Variants in TOGARAM1 observed in about 807,000 individuals in gnomAD.
TOGARAM1 encodes TOG array regulator of axonemal microtubules protein 1.
Under a neutral mutation model 166.6 loss-of-function variants are expected in TOGARAM1, and 100 were observed. That is an observed-to-expected ratio of 0.60 (90% CI 0.51 to 0.71). TOGARAM1 has a LOEUF of 0.71. Among genes scored for constraint, TOGARAM1 ranks in the 30% least tolerant of loss-of-function variants. TOGARAM1 has a pLI of 0.00. For synonymous variants in TOGARAM1, 758 were observed against 763.8 expected, an observed-to-expected ratio of 0.99 and a Z score of 0.13; for missense variants, 2,029 against 2,102.7, an observed-to-expected ratio of 0.96 and a Z score of 0.69.
chr14:45,030,906 A>G (rs1881119537), intron 10 of TOGARAM1, among the ~76,000 whole-genome samples: 1 of 152,210 alleles, frequency 6.6e-6, no homozygotes, highest in Non-Finnish European at 1.5e-5. Flanking sequence ...CTCAGCTGCA[A>G]AATAAAGATA....
intron 2 of TOGARAM1, 39 bp downstream of exon 2, chr14:44,995,941 C>T: frequency 6.5e-7 from 1 of 1,548,806 alleles, no homozygotes; most frequent in Non-Finnish European, 8.7e-7. Flanking sequence ...GTTGAACTAA[C>T]AGACTTCTCT....
chr14:45,025,964 G>A (rs1880816175), intron 8 of TOGARAM1, 92 bp downstream of exon 8: 1 of 622,692 alleles, frequency 1.6e-6, no homozygotes, highest in Non-Finnish European at 2.8e-6. Context: ...TGTGATTCAA[G>A]TGTTGAGTGG....
intron 1 of TOGARAM1, among the ~76,000 whole-genome samples, chr14:44,974,206 G>T (rs1353015975): frequency 6.6e-6 from 1 of 151,262 alleles, no homozygotes; most frequent in African/African-American, 2.4e-5. Context: ...TTTTTTTCAG[G>T]CTTTTTTCTT....
chr14:45,046,731 CTAT>C, intron 14 of TOGARAM1, 28 bp downstream of exon 14: 2 of 1,252,448 alleles, frequency 1.6e-6, no homozygotes, highest in Non-Finnish European at 1.0e-6. Context: ...TTTGCTAAAT[CTAT>C]TATTAATAAG....
At chr14:44,984,592 A>C (rs1886689963) in intron 1 of TOGARAM1, among the ~76,000 whole-genome samples, 1 of 150,514 alleles carries the variant, frequency 6.6e-6, no homozygotes. Context: ...AATATACGAG[A>C]CCCTGTCTCT....
At chr14:44,974,932 T>C (rs922016266) in intron 1 of TOGARAM1, among the ~76,000 whole-genome samples, 3 of 152,244 alleles carry the variant, frequency 2.0e-5, no homozygotes, top group African/African-American at 4.8e-5. Flanking sequence ...AATAGGTCTT[T>C]AGTAATGTAC....
intron 16 of TOGARAM1, 50 bp downstream of exon 16, chr14:45,054,599 T>A: frequency 7.7e-7 from 1 of 1,291,198 alleles, no homozygotes; most frequent in Non-Finnish European, 1.1e-6. Context: ...CTTGTGATAG[T>A]AGTCTCATTT....
At chr14:44,973,015 T>G (rs1408562649) in intron 1 of TOGARAM1, among the ~76,000 whole-genome samples, 1 of 149,960 alleles carries the variant, frequency 6.7e-6, no homozygotes, top group East Asian at 1.9e-4. Flanking sequence ...AACTTGGGTT[T>G]TGTTTTTTGA....
rs978394408 is a variant in TOGARAM1, at chr14:44,971,725, C to T, written c.2046+7258C>T. Among the ~76,000 whole-genome samples, 7 of 152,264 alleles carry T rather than the reference C, an allele frequency of 4.6e-5. 1 individual carries two copies. Among genetic ancestry groups the T allele is most frequent in the African/African-American group, 1.7e-4 (7 of 41,550 alleles). ...TAGGCACCGCTTTCACTGCATACCG[C>T]AAATCTTGATACATTGTATTTTCAT... On this transcript the variant is annotated intron_variant, in intron 1 of 19. Transcript: ENST00000361462.
chr14:45,055,074 C>T (rs556417141), intron 16 of TOGARAM1, among the ~76,000 whole-genome samples: 19 of 152,046 alleles, frequency 1.2e-4, no homozygotes, highest in Admixed American at 7.2e-4. Flanking sequence ...AAAAATTAGC[C>T]GGGCCTGGTG....
intron 4 of TOGARAM1, among the ~76,000 whole-genome samples, chr14:45,004,732 T>C (rs1459248938): frequency 6.6e-6 from 1 of 151,482 alleles, no homozygotes; most frequent in South Asian, 2.1e-4. Flanking sequence ...GATTACAGGC[T>C]TGAGCCACTG....
chr14:44,971,135 A>T (rs1373766771), intron 1 of TOGARAM1, among the ~76,000 whole-genome samples: 2 of 152,108 alleles, frequency 1.3e-5, no homozygotes, highest in East Asian at 3.9e-4. Flanking sequence ...GAGAATTGGT[A>T]TAATTTTTTC....
intron 16 of TOGARAM1, among the ~76,000 whole-genome samples, chr14:45,057,925 G>A (rs553424365): frequency 9.3e-4 from 141 of 152,276 alleles, no homozygotes; most frequent in Non-Finnish European, 1.7e-3. Context: ...CAGTTTTGGG[G>A]TCAAATGTTC....
chr14:45,044,990 A>G (rs1465852035), intron 13 of TOGARAM1, 120 bp downstream of exon 13: 1 of 646,180 alleles, frequency 1.5e-6, no homozygotes, highest in South Asian at 2.3e-5. Flanking sequence ...TTTATTAAAA[A>G]GTTCCTATGA....
In TOGARAM1 at chr14:45,009,002, T is replaced by C; in HGVS notation, c.2994T>C (p.Asp998=). The change falls in exon 6 of 20, where the codon GAT becomes GAC. Residue 998 remains aspartate, a synonymous_variant. Transcript: ENST00000361462. The part of the protein sequence containing the change: ...SGSTSDLESP[D]SAMKLDLTMD... ...GTACTTCAGATCTTGAAAGCCCTGA[T>C]TCTGCAATGAAGCTCGACTTGACGA... 6.2e-7 allele frequency: 1 copy of C among 1,614,152 alleles called. No individual in the cohort carries two copies. The highest frequency in any genetic ancestry group is 8.5e-7 in the Non-Finnish European group (1 of 1,180,006).
At chr14:44,994,319 A>G (rs981356166) in intron 1 of TOGARAM1, among the ~76,000 whole-genome samples, 5 of 151,992 alleles carry the variant, frequency 3.3e-5, no homozygotes, top group African/African-American at 1.2e-4. Flanking sequence ...GGGTTTCACC[A>G]TGTTAGCCAG....
intron 14 of TOGARAM1, among the ~76,000 whole-genome samples, chr14:45,049,997 C>G (rs1325260104): frequency 6.6e-6 from 1 of 151,998 alleles, no homozygotes; most frequent in Non-Finnish European, 1.5e-5. Flanking sequence ...TTTTGTATTT[C>G]TCACATTTTG....
intron 7 of TOGARAM1, among the ~76,000 whole-genome samples, chr14:45,023,401 T>C (rs147704857): frequency 2.5e-3 from 375 of 152,350 alleles, no homozygotes; most frequent in Non-Finnish European, 4.6e-3. Context: ...CCTGATATTG[T>C]TGTCTGACAG....
At chr14:44,965,097 A>G (rs938464482) in intron 1 of TOGARAM1, among the ~76,000 whole-genome samples, 6 of 152,150 alleles carry the variant, frequency 3.9e-5, no homozygotes, top group Non-Finnish European at 8.8e-5. Context: ...TACTTCATCT[A>G]TATTTACCAG....
Sources: allele counts gnomAD v4.1 joint callset (sites outside exome capture counted in the v4.1 genomes callset), GRCh38; gene constraint gnomAD v4.1.1; transcripts MANE v1.5; gene names NCBI Gene and HGNC (gene_info 2026-07-23, HGNC 2026-07-21).